Variants in CCDC33 observed in about 807,000 individuals in gnomAD.
CCDC33 encodes coiled-coil domain containing 33.
In CCDC33, 94 loss-of-function variants were observed where a neutral mutation model predicts 91.9. The ratio of observed to expected loss-of-function variants is 1.02; its 90% CI spans 0.87 to 1.21. The LOEUF is 1.21. CCDC33 is among the 50% of genes most tolerant of loss of function. The pLI, the probability that CCDC33 is intolerant of heterozygous loss-of-function variation, is 0.00. For missense variants in CCDC33, 940 were observed against 935.5 expected (o/e 1.00, Z -0.06); for synonymous variants, 396 against 374.5 (o/e 1.06, Z -0.66).
chr15:74,236,351 C>T lies in CCDC33; in HGVS notation c.-369C>T. On this transcript the variant is annotated 5_prime_UTR_variant, in exon 1 of 19. Coordinates refer to ENST00000398814, the MANE Select transcript of CCDC33 (RefSeq NM_025055.5). ...ATTGTTTTCCAGGCCTGGGCAGAGA[C>T]AGGGCCCCCCTGCCCCATCTCTCCA... The T allele has an allele frequency of 4.1e-6, 1 of 243,870 alleles. No homozygotes were observed. Among genetic ancestry groups the T allele is most frequent in the Middle Eastern group, 1.2e-3 (1 of 838 alleles). The allele number at this position is 243,870 out of a possible 1,614,324, so 15.1% of individuals were successfully genotyped here.
At chr15:74,224,177 G>C (rs1048887686) in intron 2 of CCDC33, among the ~76,000 whole-genome samples, 6 of 152,108 alleles carry the variant, frequency 3.9e-5, no homozygotes, top group African/African-American at 1.4e-4. Flanking sequence ...CTGGCCCTGG[G>C]GAGGCTGGGG....
At chr15:74,313,904 A>G (rs2060041049) in intron 11 of CCDC33, among the ~76,000 whole-genome samples, 1 of 152,040 alleles carries the variant, frequency 6.6e-6, no homozygotes, top group African/African-American at 2.4e-5. Flanking sequence ...TTGGACTTAC[A>G]TCCAAGGTCC....
Position 74,247,544 on chromosome 15 carries a change from T to G in CCDC33, c.185+3396T>G, listed in dbSNP as rs529007131. Among the ~76,000 whole-genome samples the G allele has an allele frequency of 1.4e-4, 22 of 152,298 alleles. 1 individual carries two copies. In the East Asian group the frequency reaches 4.2e-3, roughly 29 times the overall value. On this transcript the variant is annotated intron_variant, in intron 2 of 18. Transcript: ENST00000398814. Reference sequence around the variant, plus strand: ...GAGGACATTCTGCCATTTGCGATAATGCAGATGAGCCTGGAGGACGTTATG... The same window carrying G: ...GAGGACATTCTGCCATTTGCGATAAGGCAGATGAGCCTGGAGGACGTTATG...
rs375441296 is a variant in CCDC33 at position 74,336,033 on chromosome 15, G to C, written c.2248G>C (p.Ala750Pro). The change falls in exon 19 of 19, where the codon GCT becomes CCT. Residue 750 changes from alanine to proline, a missense_variant. Physicochemically the swap from Ala to Pro is conservative, Grantham distance 27. Transcript: ENST00000398814. ...NKPLSPQKETANSQQT is the reference protein window; with the variant it reads ...NKPLSPQKETPNSQQT ...GCCCTTGAGCCCCCAGAAGGAGACC[G>C]CTAACTCTCAGCAGACCTGAGCCCC... 6.2e-7 allele frequency: 1 copy of C among 1,613,782 alleles called. No individual in the cohort carries two copies. The highest frequency in any genetic ancestry group is 1.1e-5 in the South Asian group (1 of 91,082).
chr15:74,289,106 G>A (rs1040729468), intron 10 of CCDC33, among the ~76,000 whole-genome samples: 4 of 152,150 alleles, frequency 2.6e-5, no homozygotes, highest in Non-Finnish European at 4.4e-5. Context: ...CCCATCACTC[G>A]GTGCCCGCCC....
rs2059680670 is a variant in CCDC33 at position 74,296,057 on chromosome 15, C to T, written c.1290+109C>T. 3.3e-6 allele frequency: 3 copies of T among 904,830 alleles called. No homozygotes were observed. In the Admixed American group the frequency reaches 8.5e-5, roughly 26 times the overall value. The allele number at this position is 904,830 out of a possible 1,614,324, so 56.1% of individuals were successfully genotyped here. The stretch of plus-strand genomic sequence containing the variant: ...TTCATGCCTCAGGTGGCCAGTAGAC[C>T]TCCCTCCCCTTAGGCACACTCTGCA... On this transcript the variant is annotated intron_variant, in intron 11 of 18. Coordinates refer to ENST00000398814, the MANE Select transcript of CCDC33 (RefSeq NM_025055.5).
intron 7 of CCDC33, among the ~76,000 whole-genome samples, chr15:74,278,678 C>T (rs986643412): frequency 1.3e-5 from 2 of 152,244 alleles, no homozygotes; most frequent in African/African-American, 2.4e-5. Flanking sequence ...TCCTGAAGAC[C>T]TTTATCCCTC....
chr15:74,218,430 C>T lies in CCDC33; in HGVS notation c.311-67C>T, dbSNP rs936614690. The T allele has an allele frequency of 9.0e-6, 11 of 1,224,444 alleles. No individual in the cohort carries two copies. The African/African-American group carries it at 1.4e-4, about 16-fold the overall frequency. 75.8% of individuals were successfully genotyped at this position (1,224,444 alleles called of 1,614,324 possible). On this transcript the variant is annotated intron_variant, in intron 1 of 2. Coordinates refer to the CCDC33 transcript ENST00000635913. This position sits in a 1 kb window ranked among gnomAD's most constrained non-coding sequence, Gnocchi z 4.8. Reference sequence around the variant, plus strand: ...AGGTTTCCCCAGGGCCCTGCCTGTCCTCCTAGTCACCTGGCAGATGCAGAG... The same window carrying T: ...AGGTTTCCCCAGGGCCCTGCCTGTCTTCCTAGTCACCTGGCAGATGCAGAG...
At chr15:74,308,456 G>A (rs1440140470) in intron 11 of CCDC33, among the ~76,000 whole-genome samples, 1 of 151,734 alleles carries the variant, frequency 6.6e-6, no homozygotes, top group African/African-American at 2.4e-5. Flanking sequence ...AGTTTAATCA[G>A]ATAAAATGCT....
rs538162487 is a variant in CCDC33, at chr15:74,204,615, G to T, written n.89+1517G>T. 7.9e-5 allele frequency among the ~76,000 whole-genome samples: 12 copies of T among 152,322 alleles called. No homozygotes were observed. The South Asian group carries it at 1.7e-3, about 21-fold the overall frequency. ...CCTCTACAAGGCAGCAGTGTCAGGGGTTAGACATCCTTGCCTATCAGAAAC... is the reference window on the plus strand; with the variant it reads ...CCTCTACAAGGCAGCAGTGTCAGGGTTTAGACATCCTTGCCTATCAGAAAC... On this transcript the variant is annotated intron_variant and non_coding_transcript_variant, in intron 1 of 3. Transcript: ENST00000558645.
At position 74,280,856 on chromosome 15, in the gene CCDC33, C is replaced by T; in HGVS notation, c.1023+55C>T. The stretch of plus-strand genomic sequence containing the variant: ...AGCGTGCCCACCTGGCCCCACCCTG[C>T]CTCACCCTGCCCCACCTCACCACAC... On this transcript the variant is annotated intron_variant, in intron 9 of 18. Coordinates refer to ENST00000398814, the MANE Select transcript of CCDC33 (RefSeq NM_025055.5). 3 of 1,383,186 alleles carry T rather than the reference C, an allele frequency of 2.2e-6. No homozygotes were observed. The South Asian group carries it at 5.6e-5, about 26-fold the overall frequency. 85.7% of individuals were successfully genotyped at this position (1,383,186 alleles called of 1,614,324 possible). A position where few individuals can be genotyped will look rare whatever the true frequency, so the allele number is the denominator to read the frequency against.
rs1199723444 is a variant in CCDC33, at chr15:74,262,516, C to G, written c.262C>G (p.Pro88Ala). Reference protein sequence around the residue: ...TSVTSEPTRAPIWGDTVNVEI... With the variant: ...TSVTSEPTRAAIWGDTVNVEI... ...TGTGACCTCAGAGCCCACCAGAGCC[C>G]CTATCTGGGGGGACACGGTGAATGT... Residue 88 changes from proline (P) to alanine (A), a missense_variant, in exon 3 of 19, where the codon CCT becomes GCT. Physicochemically the swap from Pro to Ala is conservative, Grantham distance 27. Coordinates refer to ENST00000398814, the MANE Select transcript of CCDC33 (RefSeq NM_025055.5). The G allele has an allele frequency of 1.2e-6, 2 of 1,613,822 alleles. No homozygotes were observed. The highest frequency in any genetic ancestry group is 2.7e-5 in the African/African-American group (2 of 74,892).
At chr15:74,309,988 A>T (rs2059961288) in intron 11 of CCDC33, among the ~76,000 whole-genome samples, 2 of 151,968 alleles carry the variant, frequency 1.3e-5, no homozygotes, top group Admixed American at 6.6e-5. Context: ...TCTCCACAAA[A>T]TTTTTTTAAA....
chr15:74,246,668 AGT>A (rs1175131241), intron 2 of CCDC33, among the ~76,000 whole-genome samples: 1 of 152,178 alleles, frequency 6.6e-6, no homozygotes, highest in Non-Finnish European at 1.5e-5. Flanking sequence ...ACAAGAGATA[AGT>A]GTTGGTGCGG....
intron 10 of CCDC33, among the ~76,000 whole-genome samples, chr15:74,293,977 A>G (rs1042322693): frequency 6.6e-6 from 1 of 152,246 alleles, no homozygotes; most frequent in African/African-American, 2.4e-5. Context: ...TGAAAGGGGC[A>G]TAAAAGAATA....
intron 2 of CCDC33, among the ~76,000 whole-genome samples, chr15:74,259,291 T>C (rs1859102191): frequency 2.0e-5 from 3 of 150,318 alleles, no homozygotes; most frequent in African/African-American, 2.4e-5. Context: ...TAAGACTGCA[T>C]TGGGAGCCCC....
At chr15:74,271,677 C>T in intron 5 of CCDC33, 26 bp from the exon 6 acceptor site, 2 of 1,590,404 alleles carry the variant, frequency 1.3e-6, no homozygotes, top group Non-Finnish European at 1.7e-6. Flanking sequence ...ATGGTGTTCA[C>T]CTGCCTCCTC....
At chr15:74,333,830 C>G in intron 16 of CCDC33, 51 bp from the exon 17 acceptor site, 2 of 1,478,084 alleles carry the variant, frequency 1.4e-6, no homozygotes, top group East Asian at 2.3e-5. Flanking sequence ...CAAGCTCACA[C>G]TGCCACAGCC....
At chr15:74,293,758 C>T (rs1051010426) in intron 10 of CCDC33, among the ~76,000 whole-genome samples, 6 of 152,212 alleles carry the variant, frequency 3.9e-5, no homozygotes, top group African/African-American at 1.4e-4. Context: ...CGGGGTCCCC[C>T]AGTGTCCCAC....
Sources: allele counts gnomAD v4.1 joint callset (sites outside exome capture counted in the v4.1 genomes callset), GRCh38; gene constraint gnomAD v4.1.1; non-coding constraint Gnocchi (gnomAD v3.1); transcripts MANE v1.5; gene names NCBI Gene and HGNC (gene_info 2026-07-23, HGNC 2026-07-21).